ESRP1: variants seen among roughly 807,000 people sequenced by gnomAD.
ESRP1 encodes RNA-binding motif protein 35A.
A neutral mutation model predicts 81.7 loss-of-function variants in ESRP1; 33 were observed. The observed-to-expected ratio is 0.40, with a 90% confidence interval of 0.31 to 0.54. The LOEUF is 0.54. Ranked by LOEUF, ESRP1 falls within the 20% of genes least tolerant of loss-of-function variation. The pLI is 0.41. For synonymous variants in ESRP1, 320 were observed against 303.3 expected (o/e 1.06, Z -0.57); for missense variants, 672 against 833.1 (o/e 0.81, Z 2.38).
rs1321619880 is a variant in ESRP1, at chr8:94,662,663, A to AGT, written c.644+110_644+111dup. On this transcript the variant is annotated intron_variant, in intron 6 of 15. Coordinates refer to ENST00000433389, the MANE Select transcript of ESRP1 (RefSeq NM_017697.4). ...TGCTCTGTCGCCCAGGCTGGAGTGC[A>AGT]GTGGCACGATCTCAGCTCACTGCAA... 5 of 899,088 alleles carry AGT rather than the reference A, an allele frequency of 5.6e-6. No homozygotes were observed. In the Admixed American group the frequency reaches 1.3e-4, roughly 24 times the overall value. 55.7% of individuals were successfully genotyped at this position (899,088 alleles called of 1,614,324 possible).
intron 3 of ESRP1, among the ~76,000 whole-genome samples, chr8:94,643,744 G>T (rs1404992649): frequency 3.7e-4 from 5 of 13,380 alleles, no homozygotes; most frequent in Non-Finnish European, 7.6e-4. Context: ...TTTTCAAGAT[G>T]CATGACACTT....
chr8:94,704,481 G>T (rs7845544), intron 15 of ESRP1, among the ~76,000 whole-genome samples: 20,270 of 151,860 alleles, frequency 0.13, 1,630 homozygotes, highest in African/African-American at 0.22. Flanking sequence ...ATTTAGCCTA[G>T]GGCCAGGTGT....
intron 15 of ESRP1, among the ~76,000 whole-genome samples, chr8:94,703,344 G>T (rs962934763): frequency 6.6e-6 from 1 of 151,934 alleles, no homozygotes; most frequent in Non-Finnish European, 1.5e-5. Flanking sequence ...AGTAGAGACA[G>T]GGTTTCACCA....
intron 13 of ESRP1, among the ~76,000 whole-genome samples, chr8:94,692,081 A>G (rs1017096677): frequency 1.3e-5 from 2 of 152,120 alleles, no homozygotes; most frequent in East Asian, 3.9e-4. Flanking sequence ...CCTTGTGTTA[A>G]TGGTGATTGA....
At chr8:94,682,553 G>A (rs1260632271) in intron 13 of ESRP1, among the ~76,000 whole-genome samples, 3 of 150,374 alleles carry the variant, frequency 2.0e-5, no homozygotes, top group Non-Finnish European at 4.4e-5. Flanking sequence ...TTTTTGTGGA[G>A]ACGGGGTCTC....
intron 10 of ESRP1, among the ~76,000 whole-genome samples, chr8:94,670,398 GTCT>G (rs1384650046): frequency 1.3e-5 from 2 of 152,012 alleles, no homozygotes; most frequent in Admixed American, 6.6e-5. Context: ...TCTTATTAAA[GTCT>G]TCTTGTCTCT....
intron 4 of ESRP1, among the ~76,000 whole-genome samples, chr8:94,656,415 G>T (rs1381755648): frequency 6.6e-6 from 1 of 150,864 alleles, no homozygotes; most frequent in South Asian, 2.1e-4. Context: ...AGAGACGGGG[G>T]TTTCACCATG....
At chr8:94,694,189 G>A (rs888962851) in intron 14 of ESRP1, among the ~76,000 whole-genome samples, 1 of 152,002 alleles carries the variant, frequency 6.6e-6, no homozygotes, top group African/African-American at 2.4e-5. Flanking sequence ...TCAGGTTTTA[G>A]TACTCAGCTG....
Position 94,678,199 on chromosome 8 carries a change from C to G in ESRP1, c.1652-4C>G. ...TCTCAAAGAATCTCTCTTTGCATAT[C>G]TAGGCCTGTCTCCTCCCTCCTACAC... On this transcript the variant is annotated splice_polypyrimidine_tract_variant and splice_region_variant and intron_variant, in intron 12 of 15. Transcript: ENST00000433389. 1 of 1,613,714 alleles carries G rather than the reference C, an allele frequency of 6.2e-7. No individual in the cohort carries two copies. The highest frequency in any genetic ancestry group is 8.5e-7 in the Non-Finnish European group (1 of 1,179,732).
chr8:94,695,083 C>T (rs79919686), intron 14 of ESRP1, among the ~76,000 whole-genome samples: 6 of 152,200 alleles, frequency 3.9e-5, no homozygotes, highest in South Asian at 2.1e-4. Flanking sequence ...CTTCTTGTTT[C>T]GTGTTCTCAG....
At chr8:94,659,281 GTC>G (rs1216958707) in intron 4 of ESRP1, among the ~76,000 whole-genome samples, 1 of 152,194 alleles carries the variant, frequency 6.6e-6, no homozygotes, top group Non-Finnish European at 1.5e-5. Context: ...TTGCTCACTT[GTC>G]TCTCTGTCAC....
Position 94,705,914 on chromosome 8 carries a change from T to C in ESRP1, c.*36-11T>C, listed in dbSNP as rs756548763. 1.3e-6 allele frequency: 2 copies of C among 1,518,630 alleles called. No individual in the cohort carries two copies. Among genetic ancestry groups the C allele is most frequent in the South Asian group, 1.3e-5 (1 of 78,184 alleles). The allele number at this position is 1,518,630 out of a possible 1,614,324, so 94.1% of individuals were successfully genotyped here. A position where few individuals can be genotyped will look rare whatever the true frequency, so the allele number is the denominator to read the frequency against. ...TTTCCTTTTATTCACTTTTTTTTTT[T>C]TTTTTTTCAGTGTTTGAAAGATGTA... On this transcript the variant is annotated splice_polypyrimidine_tract_variant and intron_variant, in intron 15 of 15. Coordinates refer to ENST00000433389, the MANE Select transcript of ESRP1 (RefSeq NM_017697.4).
intron 11 of ESRP1, among the ~76,000 whole-genome samples, chr8:94,672,630 T>G (rs995296929): frequency 6.6e-6 from 1 of 152,008 alleles, no homozygotes; most frequent in Non-Finnish European, 1.5e-5. Flanking sequence ...CCTCCTGAGT[T>G]CAAGCAATTC....
At chr8:94,645,561 T>A (rs562589158) in intron 3 of ESRP1, among the ~76,000 whole-genome samples, 5 of 152,094 alleles carry the variant, frequency 3.3e-5, no homozygotes, top group Non-Finnish European at 5.9e-5. Flanking sequence ...GATTTGTGAG[T>A]TTGTTTTTGT....
chr8:94,691,352 A>G (rs1469248933), intron 13 of ESRP1, among the ~76,000 whole-genome samples: 1 of 152,228 alleles, frequency 6.6e-6, no homozygotes, highest in Admixed American at 6.5e-5. Flanking sequence ...TTAGCAACAT[A>G]GAAGGTTGAG....
chr8:94,654,176 G>A (rs149940571), intron 4 of ESRP1, among the ~76,000 whole-genome samples: 2,182 of 152,194 alleles, frequency 0.014, 24 homozygotes, highest in Middle Eastern at 0.024. Flanking sequence ...AAATTATCTG[G>A]GTGTGGTGGT....
intron 14 of ESRP1, among the ~76,000 whole-genome samples, chr8:94,695,996 G>A (rs1809591385): frequency 6.6e-6 from 1 of 152,166 alleles, no homozygotes. Context: ...CCAGGAGGTG[G>A]AAGTTGCAGT....
intron 13 of ESRP1, chr8:94,688,706 C>T (rs932806858): frequency 2.4e-5 from 4 of 168,906 alleles, no homozygotes; most frequent in Non-Finnish European, 3.8e-5. Flanking sequence ...CTCTCAGTTA[C>T]ATTCCGTGGG....
At chr8:94,681,700 AG>A (rs1319125762) in intron 13 of ESRP1, among the ~76,000 whole-genome samples, 3 of 151,892 alleles carry the variant, frequency 2.0e-5, no homozygotes, top group Admixed American at 1.3e-4. Flanking sequence ...GCACTTCGGG[AG>A]GCCGAGGCAG....
Sources: allele counts gnomAD v4.1 joint callset (sites outside exome capture counted in the v4.1 genomes callset), GRCh38; gene constraint gnomAD v4.1.1; transcripts MANE v1.5; gene names NCBI Gene and HGNC (gene_info 2026-07-23, HGNC 2026-07-21).